The following RHOJ variants were observed in gnomAD, a reference collection of about 807,000 sequenced individuals.
RHOJ encodes ras homolog family member J.
A neutral mutation model predicts 23.4 loss-of-function variants in RHOJ; 11 were observed. That is an observed-to-expected ratio of 0.47 (90% CI 0.30 to 0.78). The LOEUF (loss-of-function observed/expected upper bound fraction) is 0.78. Among genes scored for constraint, RHOJ ranks in the 30% least tolerant of loss-of-function variants. The pLI, the probability that RHOJ is intolerant of heterozygous loss-of-function variation, is 0.08. For synonymous variants in RHOJ, 102 were observed against 102.7 expected, an observed-to-expected ratio of 0.99 and a Z score of 0.04; for missense variants, 254 against 273.4, an observed-to-expected ratio of 0.93 and a Z score of 0.50.
intron 1 of RHOJ, among the ~76,000 whole-genome samples, chr14:63,223,828 T>A (rs1894542823): frequency 6.7e-6 from 1 of 149,526 alleles, no homozygotes. Flanking sequence ...TTTTAATTTT[T>A]TTCCATGAAA....
At position 63,269,116 on chromosome 14, in the gene RHOJ, T is replaced by C. The variant is rs760322254; in HGVS notation, c.185T>C (p.Val62Ala). ...PTVFDHYAVT[V>A]TVGGKQHLLG... Reference sequence around the variant, plus strand: ...CTTTTCTCTTCTCCCCTAGTTACTGTGACTGTGGGAGGCAAGCAACACTTG... The same window carrying C: ...CTTTTCTCTTCTCCCCTAGTTACTGCGACTGTGGGAGGCAAGCAACACTTG... Residue 62 changes from valine (V) to alanine (A), a missense_variant, in exon 2 of 5, where the codon GTG (valine) becomes GCG (alanine). Val to Ala is a moderately conservative substitution (Grantham distance 64). Coordinates refer to ENST00000316754, the MANE Select transcript of RHOJ (RefSeq NM_020663.5). 1 of 1,612,130 alleles carries C rather than the reference T, an allele frequency of 6.2e-7. No individual in the cohort carries two copies. The highest frequency in any genetic ancestry group is 8.5e-7 in the Non-Finnish European group (1 of 1,178,458).
chr14:63,208,706 G>A (rs74061618), intron 1 of RHOJ, among the ~76,000 whole-genome samples: 5,112 of 152,192 alleles, frequency 0.034, 146 homozygotes, highest in African/African-American at 0.078. Flanking sequence ...TCAGTGTTCA[G>A]TCCCTGGGTC....
chr14:63,286,183 G>A (rs76729191), intron 4 of RHOJ, among the ~76,000 whole-genome samples: 1 of 152,218 alleles, frequency 6.6e-6, no homozygotes, highest in East Asian at 1.9e-4. Flanking sequence ...CCTTGTGCTG[G>A]CCATTTTCCC....
In RHOJ at chr14:63,261,359, T is replaced by C. The variant is rs138808540; in HGVS notation, c.179-7751T>C. Among the ~76,000 whole-genome samples the C allele has an allele frequency of 4.6e-5, 7 of 152,286 alleles. No individual in the cohort carries two copies. The East Asian group carries it at 1.2e-3, about 25-fold the overall frequency. Reference sequence around the variant, plus strand: ...CTTTCTTTTTGATAACATCAAAAGTTATCTTTTCTATAGGACAGTAATCAG... The same window carrying C: ...CTTTCTTTTTGATAACATCAAAAGTCATCTTTTCTATAGGACAGTAATCAG... On this transcript the variant is annotated intron_variant, in intron 1 of 4. Transcript: ENST00000316754.
In RHOJ at chr14:63,292,447, G is replaced by A. The variant is rs1594782090; in HGVS notation, c.*1423G>A. 6.6e-6 allele frequency: 1 copy of A among 152,144 alleles called. No homozygotes were observed. Among genetic ancestry groups the A allele is most frequent in the East Asian group, 1.9e-4 (1 of 5,188 alleles). 9.4% of individuals were successfully genotyped at this position (152,144 alleles called of 1,614,324 possible). A position where few individuals can be genotyped will look rare whatever the true frequency, so the allele number is the denominator to read the frequency against. ...AATTACTTCCTATCTTTTCATTAGA[G>A]GCTATGAGGACTTCTAATTAGTCTT... is the stretch of plus-strand genomic sequence containing the variant. On this transcript the variant is annotated 3_prime_UTR_variant, in exon 5 of 5. Coordinates refer to ENST00000316754, the MANE Select transcript of RHOJ (RefSeq NM_020663.5).
At chr14:63,256,659 G>T (rs1895170846) in intron 1 of RHOJ, among the ~76,000 whole-genome samples, 1 of 152,190 alleles carries the variant, frequency 6.6e-6, no homozygotes, top group Non-Finnish European at 1.5e-5. Flanking sequence ...GAGTCTCTTG[G>T]CTGGGTGCAG....
chr14:63,251,924 C>T (rs950485268), intron 1 of RHOJ, among the ~76,000 whole-genome samples: 6 of 151,960 alleles, frequency 3.9e-5, no homozygotes, highest in Non-Finnish European at 8.8e-5. Context: ...AGTTCAAAAC[C>T]AGCCTGGTCA....
chr14:63,220,784 G>A (rs1894474737), intron 1 of RHOJ, among the ~76,000 whole-genome samples: 1 of 152,180 alleles, frequency 6.6e-6, no homozygotes, highest in Admixed American at 6.5e-5. Flanking sequence ...AAAGATCAAA[G>A]TGTTCCCTGG....
chr14:63,290,018 G>A (rs771676952), intron 4 of RHOJ, among the ~76,000 whole-genome samples: 2 of 151,936 alleles, frequency 1.3e-5, no homozygotes, highest in East Asian at 1.9e-4. Flanking sequence ...TGAGGCGGGC[G>A]CATCACATGA....
intron 3 of RHOJ, among the ~76,000 whole-genome samples, 177 bp downstream of exon 3, chr14:63,281,312 A>G (rs1267791735): frequency 6.6e-6 from 1 of 152,178 alleles, no homozygotes; most frequent in East Asian, 1.9e-4. Flanking sequence ...GGAAAAGATA[A>G]TAGAGCTATT....
rs779120748 is a variant in RHOJ at position 63,291,029 on chromosome 14, G to C, written c.*5G>C. On this transcript the variant is annotated 3_prime_UTR_variant, in exon 5 of 5. Coordinates refer to ENST00000316754, the MANE Select transcript of RHOJ (RefSeq NM_020663.5). Reference sequence around the variant, plus strand: ...AGCTGCTGTTCAATTATCTGAGGTTGTCTGGGACCTGCCTCCACCCCATCC... The same window carrying C: ...AGCTGCTGTTCAATTATCTGAGGTTCTCTGGGACCTGCCTCCACCCCATCC... 27 of 1,614,042 alleles carry C rather than the reference G, an allele frequency of 1.7e-5. No homozygotes were observed. The highest frequency in any genetic ancestry group is 1.6e-4 in the Middle Eastern group (1 of 6,062).
At chr14:63,209,066 C>A (rs1228191654) in intron 1 of RHOJ, among the ~76,000 whole-genome samples, 1 of 152,122 alleles carries the variant, frequency 6.6e-6, no homozygotes, top group Admixed American at 6.5e-5. Context: ...TCATCCCTTC[C>A]TCCTACCAAT....
chr14:63,206,828 G>A (rs1211851557), intron 1 of RHOJ, among the ~76,000 whole-genome samples: 1 of 152,200 alleles, frequency 6.6e-6, no homozygotes, highest in East Asian at 1.9e-4. Flanking sequence ...TATTATTTTA[G>A]CTCCCAAGAA....
intron 1 of RHOJ, among the ~76,000 whole-genome samples, chr14:63,235,596 G>A (rs896302800): frequency 9.2e-5 from 14 of 152,106 alleles, no homozygotes; most frequent in African/African-American, 3.4e-4. Flanking sequence ...AATGTAGATG[G>A]GGGTCATAAG....
At chr14:63,230,949 T>A (rs1014596337) in intron 1 of RHOJ, among the ~76,000 whole-genome samples, 2 of 149,532 alleles carry the variant, frequency 1.3e-5, no homozygotes, top group African/African-American at 2.5e-5. Context: ...CAAGCAACTG[T>A]GTGATCTCGG....
intron 4 of RHOJ, among the ~76,000 whole-genome samples, chr14:63,289,804 A>G (rs767125114): frequency 7.2e-5 from 11 of 152,172 alleles, no homozygotes; most frequent in African/African-American, 2.2e-4. Flanking sequence ...AGTATGAAAT[A>G]CCTTATCATT....
intron 1 of RHOJ, among the ~76,000 whole-genome samples, chr14:63,268,860 T>G (rs1296752191): frequency 6.6e-6 from 1 of 152,240 alleles, no homozygotes; most frequent in Non-Finnish European, 1.5e-5. Flanking sequence ...CAGAGTGTCC[T>G]GGTGGCACCA....
intron 1 of RHOJ, among the ~76,000 whole-genome samples, chr14:63,216,567 C>T (rs1894360562): frequency 6.6e-6 from 1 of 152,170 alleles, no homozygotes; most frequent in Non-Finnish European, 1.5e-5. Flanking sequence ...GCTCTCTCTC[C>T]TCAGGAGTCC....
chr14:63,283,048 A>G (rs1250582837), intron 3 of RHOJ, 73 bp from the exon 4 acceptor site: 2 of 1,211,328 alleles, frequency 1.7e-6, no homozygotes, highest in African/African-American at 1.5e-5. Flanking sequence ...AAAAGACTCT[A>G]TGATGTCACA....
Sources: allele counts gnomAD v4.1 joint callset (sites outside exome capture counted in the v4.1 genomes callset), GRCh38; gene constraint gnomAD v4.1.1; transcripts MANE v1.5; gene names NCBI Gene and HGNC (gene_info 2026-07-23, HGNC 2026-07-21).